Variants in PLXNA4 observed in about 807,000 individuals in gnomAD.
PLXNA4 encodes plexin-A4.
PLXNA4 carries 44 observed loss-of-function variants against 191.8 expected under a neutral mutation model. That is an observed-to-expected ratio of 0.23 (90% confidence interval 0.18 to 0.29). PLXNA4 has a LOEUF of 0.29. PLXNA4 is among the 10% of genes least tolerant of loss of function. PLXNA4 has a pLI of 1.00. For missense variants in PLXNA4, 1,800 were observed against 2,488.8 expected, an observed-to-expected ratio of 0.72 and a Z score of 5.89; for synonymous variants, 1,082 against 1,009.5, an observed-to-expected ratio of 1.07 and a Z score of -1.36.
At chr7:132,155,818 C>T (rs916524698) in intron 25 of PLXNA4, among the ~76,000 whole-genome samples, 10 of 152,074 alleles carry the variant, frequency 6.6e-5, no homozygotes, top group African/African-American at 2.4e-4. Flanking sequence ...ACACATTATT[C>T]GATATGTTTC....
intron 20 of PLXNA4, among the ~76,000 whole-genome samples, chr7:132,178,060 C>T (rs1796536256): frequency 6.6e-6 from 1 of 152,156 alleles, no homozygotes; most frequent in South Asian, 2.1e-4. Flanking sequence ...TCCTAAATTT[C>T]CTTCTTGGAT....
At chr7:132,221,966 G>A (rs11771327) in intron 9 of PLXNA4, among the ~76,000 whole-genome samples, 100,933 of 152,102 alleles carry the variant, frequency 0.66, 34,556 homozygotes, top group African/African-American at 0.83. Flanking sequence ...TATCTAGCAA[G>A]GAGGTCCAAG....
intron 2 of PLXNA4, among the ~76,000 whole-genome samples, chr7:132,615,203 G>A (rs371032836): frequency 3.3e-5 from 5 of 152,274 alleles, no homozygotes; most frequent in African/African-American, 9.6e-5. Flanking sequence ...TTTGGTTACC[G>A]GTGGAGCGGG....
rs1245454286 is a variant in PLXNA4 at position 132,158,982 on chromosome 7, CAT to C, written c.4660+489_4660+490del. 5.1e-4 allele frequency among the ~76,000 whole-genome samples: 78 copies of C among 152,272 alleles called. No individual in the cohort carries two copies. The East Asian group carries it at 0.013, about 26-fold the overall frequency. On this transcript the variant is annotated intron_variant, in intron 25 of 31. Transcript: ENST00000321063. ...TCTCATTTTCCCTATACTTTCTCTC[CAT>C]TCTCTATCACTGACCCAGATCCCTC...
At chr7:132,465,291 T>A (rs1297671322) in intron 3 of PLXNA4, among the ~76,000 whole-genome samples, 3 of 152,214 alleles carry the variant, frequency 2.0e-5, no homozygotes, top group Non-Finnish European at 2.9e-5. Flanking sequence ...CTGGGAAAAC[T>A]GAGAGGGAAG....
At chr7:132,517,765 G>C (rs564888417) in intron 1 of PLXNA4, among the ~76,000 whole-genome samples, 13 of 152,188 alleles carry the variant, frequency 8.5e-5, no homozygotes, top group Non-Finnish European at 1.3e-4. Flanking sequence ...CTGCTCAATG[G>C]CCATTTCCAA....
intron 3 of PLXNA4, among the ~76,000 whole-genome samples, chr7:132,392,597 T>C (rs1043976700): frequency 1.3e-5 from 2 of 152,350 alleles, no homozygotes; most frequent in East Asian, 1.9e-4. Flanking sequence ...TGGCAGTCAC[T>C]GTCTGGCCTC....
chr7:132,290,892 C>T (rs542723933), intron 4 of PLXNA4, among the ~76,000 whole-genome samples: 1 of 152,342 alleles, frequency 6.6e-6, no homozygotes, highest in South Asian at 2.1e-4. Flanking sequence ...GAAACCATAT[C>T]CAGGCTACAG....
At chr7:132,189,959 C>T (rs1797035862) in intron 14 of PLXNA4, among the ~76,000 whole-genome samples, 1 of 152,200 alleles carries the variant, frequency 6.6e-6, no homozygotes, top group African/African-American at 2.4e-5. Context: ...CAGAGCCATT[C>T]CTCAAAGATG....
chr7:132,594,334 G>A (rs988086772), intron 2 of PLXNA4, among the ~76,000 whole-genome samples: 1 of 152,134 alleles, frequency 6.6e-6, no homozygotes, highest in East Asian at 1.9e-4. Flanking sequence ...TAAGAGAAAG[G>A]CTTGAAACAA....
chr7:132,517,741 A>T (rs1353540366), intron 1 of PLXNA4, among the ~76,000 whole-genome samples: 1 of 152,188 alleles, frequency 6.6e-6, no homozygotes, highest in Non-Finnish European at 1.5e-5. Context: ...CATATACAGG[A>T]TAGAGAAATC....
In PLXNA4 at chr7:132,202,855, A is replaced by G; in HGVS notation, c.2396-19T>C. 6.5e-7 allele frequency: 1 copy of G among 1,538,248 alleles called. No homozygotes were observed. The highest frequency in any genetic ancestry group is 8.8e-7 in the Non-Finnish European group (1 of 1,138,886). ...AGGTGAACTGCAGAGGGGAAGGGCAAGGACAAGGGGTGCTTGGGAATGGCA... is the reference window on the plus strand; with the variant it reads ...AGGTGAACTGCAGAGGGGAAGGGCAGGGACAAGGGGTGCTTGGGAATGGCA... On this transcript the variant is annotated intron_variant, in intron 11 of 31. Transcript: ENST00000321063.
At chr7:132,455,984 C>G (rs1796300562) in intron 3 of PLXNA4, among the ~76,000 whole-genome samples, 1 of 152,218 alleles carries the variant, frequency 6.6e-6, no homozygotes. Flanking sequence ...AGAGAAGGTG[C>G]CCCTCCCTTG....
intron 2 of PLXNA4, among the ~76,000 whole-genome samples, chr7:132,608,655 C>T (rs1237581045): frequency 2.6e-5 from 4 of 152,136 alleles, no homozygotes; most frequent in East Asian, 1.9e-4. Context: ...GTTCCTTCTG[C>T]CACTGCTTCC....
intron 4 of PLXNA4, among the ~76,000 whole-genome samples, chr7:132,284,796 C>T (rs1475014816): frequency 2.6e-5 from 4 of 152,244 alleles, no homozygotes; most frequent in African/African-American, 7.2e-5. Context: ...TTTTCTGAAA[C>T]CTCCCCCTTC....
chr7:132,602,561 A>T (rs1292420559), intron 2 of PLXNA4, among the ~76,000 whole-genome samples: 1 of 152,160 alleles, frequency 6.6e-6, no homozygotes, highest in African/African-American at 2.4e-5. Context: ...AAAAGTTTGC[A>T]CTCAAGACCC....
chr7:132,159,601 T>C lies in PLXNA4; in HGVS notation c.4532A>G (p.Asn1511Ser), dbSNP rs1396462131. 1 of 1,614,052 alleles carries C rather than the reference T, an allele frequency of 6.2e-7. No homozygotes were observed. ...GATCTTTACTGGGACCTCGGGGCTG[T>C]TGGCATTGTCTGGGCTGACACAGCT... ...VLSCVSPDNA[N>S]SPEVPVKILN... is the part of the protein sequence containing the mutation. Residue 1511 changes from asparagine (N) to serine (S), a missense_variant, in exon 25 of 32, where the codon AAC (asparagine) becomes AGC (serine). Asn to Ser is a conservative substitution (Grantham distance 46). This residue lies in a region of PLXNA4 where 214 missense variants were observed against 298.2 expected (regional missense o/e 0.72). Transcript: ENST00000321063.
At chr7:132,326,335 A>G (rs1166181905) in intron 3 of PLXNA4, among the ~76,000 whole-genome samples, 1 of 152,172 alleles carries the variant, frequency 6.6e-6, no homozygotes, top group Non-Finnish European at 1.5e-5. Context: ...TCTTTACAAC[A>G]AACCTCTTTA....
intron 1 of PLXNA4, among the ~76,000 whole-genome samples, chr7:132,515,112 T>C (rs1056860650): frequency 3.2e-5 from 4 of 124,796 alleles, no homozygotes; most frequent in Non-Finnish European, 7.6e-5. Context: ...AGGCTTTGGA[T>C]AGGGATACTA....
Sources: gnomAD v4.1 joint callset for allele counts (sites outside exome capture counted in the v4.1 genomes callset) on GRCh38, gnomAD v4.1.1 for gene constraint, gnomAD v4.1.1 regional missense constraint, MANE v1.5 for transcripts, NCBI Gene and HGNC (gene_info 2026-07-23, HGNC 2026-07-21) for gene names.